OSBPL5: variants seen among roughly 807,000 people sequenced by gnomAD.
The protein encoded by OSBPL5 is oxysterol binding protein like 5.
OSBPL5 carries 71 observed loss-of-function variants against 111.2 expected under a neutral mutation model. The observed-to-expected ratio is 0.64, with a 90% CI of 0.53 to 0.78. The LOEUF is 0.78. OSBPL5 is among the 30% of genes least tolerant of loss of function. The pLI is 0.00. For synonymous variants in OSBPL5, 549 were observed against 513.9 expected (o/e 1.07, Z -0.93); for missense variants, 1,210 against 1,189.3 (o/e 1.02, Z -0.26).
At position 3,161,643 on chromosome 11, in the gene OSBPL5, G is replaced by A. The variant is rs1564872424; in HGVS notation, c.-22+3573C>T. On this transcript the variant is annotated intron_variant, in intron 1 of 21. Coordinates refer to ENST00000263650, the MANE Select transcript of OSBPL5 (RefSeq NM_020896.4). This position sits in a 1 kb window ranked among gnomAD's most constrained non-coding sequence, Gnocchi z 8.0. ...ACCGCGCACCAGCGGCACCCACCAG[G>A]GACAGATGCCACGCACCAGCGGCGC... 6.6e-6 allele frequency among the ~76,000 whole-genome samples: 1 copy of A among 152,232 alleles called. No homozygotes were observed. Among genetic ancestry groups the A allele is most frequent in the South Asian group, 2.1e-4 (1 of 4,816 alleles).
chr11:3,131,845 C>A (rs1037745265), intron 1 of OSBPL5, among the ~76,000 whole-genome samples: 1 of 147,064 alleles, frequency 6.8e-6, no homozygotes, highest in Non-Finnish European at 1.5e-5. Flanking sequence ...ATCTATCCAT[C>A]CACCCACCAA....
In OSBPL5 at chr11:3,104,213, G is replaced by T. The variant is rs1330040345; in HGVS notation, c.1224C>A (p.Tyr408Ter). 8.7e-6 allele frequency: 14 copies of T among 1,611,224 alleles called. No homozygotes were observed. Among genetic ancestry groups the T allele is most frequent in the Non-Finnish European group, 1.0e-5 (12 of 1,177,940 alleles). ...CGCACCTGGAGAGCAGGTCTGCGTGGTAGTAGTAGTCGGAGAGCTTGTTCA... is the reference window on the plus strand; with the variant it reads ...CGCACCTGGAGAGCAGGTCTGCGTGTTAGTAGTAGTCGGAGAGCTTGTTCA... ...SFLNKLSDYY[Y>*]HADLLSRAAV... Residue 408 changes from tyrosine (Y) to a stop codon, truncating the protein, a stop_gained, in exon 10 of 22, where the codon TAC becomes TAA. Coordinates refer to ENST00000263650, the MANE Select transcript of OSBPL5 (RefSeq NM_020896.4). LOFTEE classifies it high-confidence loss of function. The surrounding 1 kb of genome is among the most constrained non-coding windows in gnomAD (Gnocchi z 5.0).
Position 3,101,600 on chromosome 11 carries a change from C to T in OSBPL5, c.1522+3G>A. The T allele has an allele frequency of 2.5e-6, 4 of 1,612,934 alleles. No individual in the cohort carries two copies. Among genetic ancestry groups the T allele is most frequent in the Non-Finnish European group, 2.5e-6 (3 of 1,179,238 alleles). On this transcript the variant is annotated splice_donor_region_variant and intron_variant, in intron 13 of 21. Transcript: ENST00000263650. ...CAGGGAGCGCCCAGGGTGACCCCCT[C>T]ACCATAAAACCTGGACTTGGCTGTG...
At chr11:3,163,639 A>G (rs1268878918) in intron 1 of OSBPL5, among the ~76,000 whole-genome samples, 1 of 152,212 alleles carries the variant, frequency 6.6e-6, no homozygotes, top group Non-Finnish European at 1.5e-5. Context: ...TCCACTGGAC[A>G]TGCAGGATGG....
rs1335535531 is a variant in OSBPL5 at position 3,094,302 on chromosome 11, C to G, written c.1654G>C (p.Gly552Arg). 2 of 1,613,636 alleles carry G rather than the reference C, an allele frequency of 1.2e-6. No individual in the cohort carries two copies. The highest frequency in any genetic ancestry group is 4.5e-5 in the East Asian group (2 of 44,888). The change falls in exon 15 of 22, where the codon GGT becomes CGT. Residue 552 changes from glycine to arginine, a missense_variant. Coordinates refer to ENST00000263650, the MANE Select transcript of OSBPL5 (RefSeq NM_020896.4). Reference sequence around the variant, plus strand: ...GCACACTCGATGGTGACCTTCCCACCCAGCTCCAGGGTCATCGTGCCATAC... The same window carrying G: ...GCACACTCGATGGTGACCTTCCCACGCAGCTCCAGGGTCATCGTGCCATAC... Reference protein sequence around the residue: ...ILYGTMTLELGGKVTIECAKN... With the variant: ...ILYGTMTLELRGKVTIECAKN...
intron 3 of OSBPL5, among the ~76,000 whole-genome samples, chr11:3,123,081 C>T (rs960436335): frequency 6.6e-6 from 1 of 152,174 alleles, no homozygotes; most frequent in African/African-American, 2.4e-5. Flanking sequence ...CCCTGGGAGC[C>T]GTGGGCAGAG....
chr11:3,092,320 G>T lies in OSBPL5; in HGVS notation c.2259+112C>A. On this transcript the variant is annotated intron_variant, in intron 19 of 21. Coordinates refer to ENST00000263650, the MANE Select transcript of OSBPL5 (RefSeq NM_020896.4). This position sits in a 1 kb window ranked among gnomAD's most constrained non-coding sequence, Gnocchi z 5.4. Reference sequence around the variant, plus strand: ...GGGACGAGGGGGCTGGGGGATGAGGGCGTGAGGGAAACGGAGCGAGGGGAA... The same window carrying T: ...GGGACGAGGGGGCTGGGGGATGAGGTCGTGAGGGAAACGGAGCGAGGGGAA... 1 of 1,368,822 alleles carries T rather than the reference G, an allele frequency of 7.3e-7. No homozygotes were observed. The allele number at this position is 1,368,822 out of a possible 1,614,324, so 84.8% of individuals were successfully genotyped here.
chr11:3,131,933 CCA>C (rs1845821062), intron 1 of OSBPL5, among the ~76,000 whole-genome samples: 1 of 9,162 alleles, frequency 1.1e-4, no homozygotes, highest in Non-Finnish European at 2.4e-4. Context: ...TCCTGTCCAT[CCA>C]TCCATCCATC....
At position 3,087,864 on chromosome 11, in the gene OSBPL5, T is replaced by C. The variant is rs573168242; in HGVS notation, c.*341A>G. The C allele has an allele frequency of 3.6e-5, 7 of 192,974 alleles. No homozygotes were observed. The South Asian group carries it at 1.0e-3, about 28-fold the overall frequency. 12.0% of individuals were successfully genotyped at this position (192,974 alleles called of 1,614,324 possible). On this transcript the variant is annotated 3_prime_UTR_variant, in exon 22 of 22. Transcript: ENST00000263650. ...GACTGTCCAGGGCCCCCACAGGCCCTCCCACCCTAAATCCATCCATCCCCC... is the reference window on the plus strand; with the variant it reads ...GACTGTCCAGGGCCCCCACAGGCCCCCCCACCCTAAATCCATCCATCCCCC...
At chr11:3,123,315 G>A (rs547223166) in intron 3 of OSBPL5, among the ~76,000 whole-genome samples, 1 of 152,282 alleles carries the variant, frequency 6.6e-6, no homozygotes, top group East Asian at 1.9e-4. Flanking sequence ...CTTCCGCGTG[G>A]TCTGCAAGCT....
At chr11:3,115,416 C>A (rs1419137547) in intron 7 of OSBPL5, among the ~76,000 whole-genome samples, 1 of 152,156 alleles carries the variant, frequency 6.6e-6, no homozygotes, top group Non-Finnish European at 1.5e-5. Context: ...CCAAGTCCTG[C>A]TAAATTTTAA....
chr11:3,137,217 G>A lies in OSBPL5; in HGVS notation c.-21-8048C>T, dbSNP rs116869060. ...CAGATGCACTCCCTGAGAGCAGACA[G>A]CAGCATAAGAGACCAGGCTGCTGTG... On this transcript the variant is annotated intron_variant, in intron 1 of 21. Transcript: ENST00000263650. 4.6e-3 allele frequency among the ~76,000 whole-genome samples: 704 copies of A among 152,360 alleles called. 5 individuals are homozygous for A. Among genetic ancestry groups the A allele is most frequent in the Non-Finnish European group, 6.8e-3 (465 of 68,026 alleles).
At chr11:3,093,125 C>A (rs1337002214) in intron 17 of OSBPL5, 73 bp from the exon 18 acceptor site, 2 of 1,409,956 alleles carry the variant, frequency 1.4e-6, no homozygotes, top group East Asian at 5.0e-5. Flanking sequence ...AATCAGGGCC[C>A]CTTGGCACCA....
rs928970859 is a variant in OSBPL5 at position 3,142,471 on chromosome 11, C to T, written c.-21-13302G>A. On this transcript the variant is annotated intron_variant, in intron 1 of 21. Transcript: ENST00000263650. The surrounding 1 kb of genome is among the most constrained non-coding windows in gnomAD (Gnocchi z 7.1). ...CAAGGGCCCAGGATCCCTCCCCACTCGCTGCTCCGTGTCCCAGGAGGTCAG... is the reference window on the plus strand; with the variant it reads ...CAAGGGCCCAGGATCCCTCCCCACTTGCTGCTCCGTGTCCCAGGAGGTCAG... 6.6e-6 allele frequency among the ~76,000 whole-genome samples: 1 copy of T among 152,010 alleles called. No individual in the cohort carries two copies. The highest frequency in any genetic ancestry group is 2.4e-5 in the African/African-American group (1 of 41,286).
chr11:3,153,398 A>G (rs1846650369), intron 1 of OSBPL5, among the ~76,000 whole-genome samples: 1 of 152,206 alleles, frequency 6.6e-6, no homozygotes, highest in Non-Finnish European at 1.5e-5. Context: ...TGGGATATGC[A>G]CGGAACAGGG....
intron 3 of OSBPL5, among the ~76,000 whole-genome samples, chr11:3,122,870 G>A (rs1399320918): frequency 1.3e-5 from 2 of 152,176 alleles, no homozygotes; most frequent in African/African-American, 2.4e-5. Flanking sequence ...GGAGCTCGGC[G>A]GCGGCCATGA....
In OSBPL5 at chr11:3,105,558, G is replaced by A. The variant is rs901650098; in HGVS notation, c.1060-1181C>T. Among the ~76,000 whole-genome samples, 38 of 152,054 alleles carry A rather than the reference G, an allele frequency of 2.5e-4. No individual in the cohort carries two copies. Among genetic ancestry groups the A allele is most frequent in the African/African-American group, 8.7e-4 (36 of 41,394 alleles). On this transcript the variant is annotated intron_variant, in intron 9 of 21. Coordinates refer to ENST00000263650, the MANE Select transcript of OSBPL5 (RefSeq NM_020896.4). The surrounding 1 kb of genome is among the most constrained non-coding windows in gnomAD (Gnocchi z 5.2). ...TAACCCTCTCCACCAGGCTTCTGCC[G>A]TCTTCTCTACTGAGACTGTCTTGCC...
At chr11:3,160,686 C>G (rs1285929946) in intron 1 of OSBPL5, among the ~76,000 whole-genome samples, 2 of 147,310 alleles carry the variant, frequency 1.4e-5, no homozygotes, top group Non-Finnish European at 3.0e-5. Context: ...CCCCCCCACC[C>G]CGCCCCCACA....
chr11:3,154,684 G>C lies in OSBPL5; in HGVS notation c.-22+10532C>G, dbSNP rs561339427. On this transcript the variant is annotated intron_variant, in intron 1 of 21. Coordinates refer to ENST00000263650, the MANE Select transcript of OSBPL5 (RefSeq NM_020896.4). The surrounding 1 kb of genome is among the most constrained non-coding windows in gnomAD (Gnocchi z 4.9). Reference sequence around the variant, plus strand: ...CGGGGGCCCCAGGGTTAGTCTGACTGCTCCACTACCCATGGTTATGGGCTA... The same window carrying C: ...CGGGGGCCCCAGGGTTAGTCTGACTCCTCCACTACCCATGGTTATGGGCTA... 1.1e-4 allele frequency among the ~76,000 whole-genome samples: 16 copies of C among 152,284 alleles called. No individual in the cohort carries two copies. Among genetic ancestry groups the C allele is most frequent in the African/African-American group, 3.6e-4 (15 of 41,550 alleles).
Sources: allele counts gnomAD v4.1 joint callset (sites outside exome capture counted in the v4.1 genomes callset), GRCh38; gene constraint gnomAD v4.1.1; non-coding constraint Gnocchi (gnomAD v3.1); transcripts MANE v1.5; gene names NCBI Gene and HGNC (gene_info 2026-07-23, HGNC 2026-07-21).